The following UBE2H variants were observed in gnomAD, a reference collection of about 807,000 sequenced individuals.
The protein encoded by UBE2H is ubiquitin conjugating enzyme E2 H, also known as ubiquitin-conjugating enzyme E2 H.
A neutral mutation model predicts 29.0 loss-of-function variants in UBE2H; 3 were observed. The ratio of observed to expected loss-of-function variants is 0.10; its 90% CI spans 0.05 to 0.27. UBE2H has a LOEUF of 0.27. Ranked by LOEUF, UBE2H falls within the 10% of genes least tolerant of loss-of-function variation. UBE2H has a pLI of 1.00. For synonymous variants in UBE2H, 69 were observed against 82.9 expected, an observed-to-expected ratio of 0.83 and a Z score of 0.91; for missense variants, 68 against 228.2, an observed-to-expected ratio of 0.30 and a Z score of 4.52.
intron 3 of UBE2H, among the ~76,000 whole-genome samples, chr7:129,863,192 A>G (rs1364841178): frequency 6.6e-6 from 1 of 152,238 alleles, no homozygotes; most frequent in Non-Finnish European, 1.5e-5. Flanking sequence ...ACAGGAATAA[A>G]TAACAGAACC....
chr7:129,916,540 G>C (rs1201118582), intron 1 of UBE2H, among the ~76,000 whole-genome samples: 1 of 150,236 alleles, frequency 6.7e-6, no homozygotes, highest in Admixed American at 6.7e-5. Context: ...CCAGAACTTT[G>C]CAACAGTCTA....
At chr7:129,938,630 C>T (rs1246657650) in intron 1 of UBE2H, among the ~76,000 whole-genome samples, 6 of 149,588 alleles carry the variant, frequency 4.0e-5, no homozygotes, top group African/African-American at 1.5e-4. Flanking sequence ...TGTTTGAACC[C>T]GGGAGGCGGA....
chr7:129,841,411 C>A (rs989290259), intron 5 of UBE2H, among the ~76,000 whole-genome samples: 1 of 152,126 alleles, frequency 6.6e-6, no homozygotes, highest in African/African-American at 2.4e-5. Context: ...GTTACTCAAC[C>A]GAACTTTCTG....
intron 5 of UBE2H, among the ~76,000 whole-genome samples, chr7:129,855,014 G>A (rs1042641518): frequency 2.0e-5 from 3 of 152,108 alleles, no homozygotes; most frequent in Non-Finnish European, 2.9e-5. Context: ...AAGCAGATTC[G>A]TGGTTGCCTA....
chr7:129,874,606 G>A (rs1003857502), intron 3 of UBE2H, among the ~76,000 whole-genome samples: 1 of 152,134 alleles, frequency 6.6e-6, no homozygotes, highest in South Asian at 2.1e-4. Flanking sequence ...ACCACACCCG[G>A]CCCTGTATCT....
At chr7:129,835,205 A>T (rs1315700153) in intron 6 of UBE2H, 144 bp from the exon 7 acceptor site, 1 of 1,221,144 alleles carries the variant, frequency 8.2e-7, no homozygotes, top group East Asian at 2.4e-5. Flanking sequence ...CATGATCACT[A>T]CAGCTAAGGA....
intron 1 of UBE2H, among the ~76,000 whole-genome samples, chr7:129,902,334 A>C (rs1168181778): frequency 6.6e-6 from 1 of 152,172 alleles, no homozygotes; most frequent in African/African-American, 2.4e-5. Context: ...CCCCGTCTCT[A>C]CTAAAAATAC....
At chr7:129,897,554 G>C (rs958567499) in intron 1 of UBE2H, among the ~76,000 whole-genome samples, 6 of 152,118 alleles carry the variant, frequency 3.9e-5, no homozygotes, top group African/African-American at 1.4e-4. Flanking sequence ...CATGCAAAAA[G>C]AAATAAAGTA....
chr7:129,952,379 G>T, intron 1 of UBE2H, 124 bp downstream of exon 1: 1 of 1,220,210 alleles, frequency 8.2e-7, no homozygotes, highest in South Asian at 1.7e-5. Context: ...GGCACTGGGG[G>T]AGGAGGGGAG....
chr7:129,873,054 C>T (rs761812900), intron 3 of UBE2H, among the ~76,000 whole-genome samples: 44 of 149,310 alleles, frequency 2.9e-4, no homozygotes, highest in Non-Finnish European at 2.1e-4. Flanking sequence ...GAGTCTCGCT[C>T]TGTTGCCCAG....
chr7:129,855,568 A>G (rs555467112), intron 5 of UBE2H, among the ~76,000 whole-genome samples: 139 of 152,370 alleles, frequency 9.1e-4, no homozygotes, highest in African/African-American at 3.2e-3. Context: ...CATTAAGACA[A>G]CAAATAGTCG....
chr7:129,884,342 G>A (rs1292681480), intron 1 of UBE2H, among the ~76,000 whole-genome samples: 7 of 150,808 alleles, frequency 4.6e-5, no homozygotes, highest in East Asian at 2.0e-4. Context: ...GCATGAACAC[G>A]GGAGGTGGAG....
At chr7:129,888,037 T>C (rs763485760) in intron 1 of UBE2H, among the ~76,000 whole-genome samples, 1 of 152,218 alleles carries the variant, frequency 6.6e-6, no homozygotes, top group Non-Finnish European at 1.5e-5. Flanking sequence ...AAGACAAGCA[T>C]GTGTCTGTAT....
At chr7:129,867,740 A>AAAAAAAAG (rs768415224) in intron 3 of UBE2H, among the ~76,000 whole-genome samples, 3 of 138,308 alleles carry the variant, frequency 2.2e-5, no homozygotes, top group Non-Finnish European at 4.7e-5. Context: ...AAAAAAAAAA[A>AAAAAAAAG]AAGAAGACCA....
At chr7:129,896,366 G>A (rs1042157307) in intron 1 of UBE2H, among the ~76,000 whole-genome samples, 2 of 151,806 alleles carry the variant, frequency 1.3e-5, no homozygotes, top group African/African-American at 2.4e-5. Context: ...TAAGAACACT[G>A]CTTCCATTTT....
intron 1 of UBE2H, among the ~76,000 whole-genome samples, chr7:129,896,198 G>A (rs913497356): frequency 2.0e-5 from 3 of 151,666 alleles, no homozygotes; most frequent in East Asian, 2.0e-4. Context: ...TTAGCTGGAC[G>A]TGGTGGCGGG....
chr7:129,842,816 T>C (rs951510996), intron 5 of UBE2H, among the ~76,000 whole-genome samples: 30 of 151,918 alleles, frequency 2.0e-4, no homozygotes, highest in East Asian at 1.8e-3. Flanking sequence ...GGCAGGAGAA[T>C]TGCTTGAACC....
intron 1 of UBE2H, among the ~76,000 whole-genome samples, chr7:129,881,914 G>T (rs934610476): frequency 6.6e-6 from 1 of 152,092 alleles, no homozygotes; most frequent in Non-Finnish European, 1.5e-5. Flanking sequence ...ATACAACCTT[G>T]CCACAAGCAG....
At chr7:129,943,764 T>C (rs961956462) in intron 1 of UBE2H, among the ~76,000 whole-genome samples, 2 of 151,958 alleles carry the variant, frequency 1.3e-5, no homozygotes, top group Non-Finnish European at 2.9e-5. Context: ...TAGCTGGGTG[T>C]GGTGGCAGGC....
Sources: gnomAD v4.1 joint callset for allele counts (sites outside exome capture counted in the v4.1 genomes callset) on GRCh38, gnomAD v4.1.1 for gene constraint, MANE v1.5 for transcripts, NCBI Gene and HGNC (gene_info 2026-07-23, HGNC 2026-07-21) for gene names.